HRH1: variants seen among roughly 807,000 people sequenced by gnomAD.
HRH1 encodes the protein histamine receptor H1, also known as histamine H1 receptor.
In HRH1, 6 loss-of-function variants were observed where a neutral mutation model predicts 10.3. The observed-to-expected ratio is 0.58, with a 90% confidence interval of 0.32 to 1.15. HRH1 has a LOEUF of 1.15. HRH1 is among the 50% of genes most tolerant of loss of function. The pLI, the probability that HRH1 is intolerant of heterozygous loss-of-function variation, is 0.05. For missense variants in HRH1, 514 were observed against 615.3 expected, an observed-to-expected ratio of 0.84 and a Z score of 1.74; for synonymous variants, 242 against 236.7, an observed-to-expected ratio of 1.02 and a Z score of -0.21.
At chr3:11,208,193 C>T (rs373199398) in intron 1 of HRH1, among the ~76,000 whole-genome samples, 5 of 150,170 alleles carry the variant, frequency 3.3e-5, no homozygotes, top group African/African-American at 9.8e-5. Context: ...CACTCTGTCA[C>T]CCAGGCTGGA....
At chr3:11,190,707 T>G (rs555599315) in intron 1 of HRH1, among the ~76,000 whole-genome samples, 32 of 152,184 alleles carry the variant, frequency 2.1e-4, no homozygotes, top group African/African-American at 7.2e-4. Flanking sequence ...AAAAAAAATT[T>G]TAATTAGCTG....
rs200252315 is a variant in HRH1 at position 11,259,652 on chromosome 3, C to T, written c.615C>T (p.Leu205=). Residue 205 remains leucine, a synonymous_variant, in exon 2 of 2, where the codon CTC becomes CTT. Coordinates refer to ENST00000431010, the MANE Select transcript of HRH1 (RefSeq NM_001098212.2). The surrounding 1 kb of genome is among the most constrained non-coding windows in gnomAD (Gnocchi z 4.6). The part of the protein sequence containing the change: ...AIINFYLPTL[L]MLWFYAKIYK... ...TCAACTTCTACCTGCCCACCTTGCT[C>T]ATGCTCTGGTTCTATGCCAAGATCT... 1.2e-6 allele frequency: 2 copies of T among 1,613,984 alleles called. No individual in the cohort carries two copies. Among genetic ancestry groups the T allele is most frequent in the Middle Eastern group, 1.6e-4 (1 of 6,062 alleles).
intron 1 of HRH1, among the ~76,000 whole-genome samples, chr3:11,211,095 T>A (rs1353252391): frequency 6.6e-6 from 1 of 152,220 alleles, no homozygotes; most frequent in Non-Finnish European, 1.5e-5. Context: ...AATCAATTTG[T>A]AATTCAAGTA....
chr3:11,173,589 A>G (rs1038989088), intron 1 of HRH1, among the ~76,000 whole-genome samples: 6 of 151,538 alleles, frequency 4.0e-5, no homozygotes, highest in African/African-American at 1.5e-4. Context: ...TTTGATATTT[A>G]TTATTAGATT....
chr3:11,253,608 C>T (rs547411112), intron 1 of HRH1, among the ~76,000 whole-genome samples: 1 of 152,232 alleles, frequency 6.6e-6, no homozygotes, highest in East Asian at 1.9e-4. Flanking sequence ...GGGTGCGGGG[C>T]ACTAATTCTC....
At position 11,183,106 on chromosome 3, in the gene HRH1, C is replaced by A. The variant is rs377749578; in HGVS notation, c.-36+28552C>A. 5.3e-4 allele frequency among the ~76,000 whole-genome samples: 81 copies of A among 152,336 alleles called. 2 individuals carry two copies. In the South Asian group the frequency reaches 0.016, roughly 30 times the overall value. ...TCATCATCTCTTAGACCCACTGGAG[C>A]TGAAACTTTCTAATGCAATCCAGGC... On this transcript the variant is annotated intron_variant, in intron 1 of 1. Transcript: ENST00000431010.
chr3:11,220,049 T>A (rs1350040875), intron 1 of HRH1, among the ~76,000 whole-genome samples: 2 of 151,728 alleles, frequency 1.3e-5, no homozygotes, highest in Non-Finnish European at 2.9e-5. Context: ...AAAATCCAGA[T>A]TCTGCCTTTT....
chr3:11,234,381 A>C, intron 1 of HRH1: 1 of 1,603,406 alleles, frequency 6.2e-7, no homozygotes, highest in Non-Finnish European at 8.5e-7. Flanking sequence ...AGGTCTGGGT[A>C]TTTCTGCAGG....
chr3:11,159,385 T>C (rs1358420941), intron 1 of HRH1, among the ~76,000 whole-genome samples: 1 of 152,214 alleles, frequency 6.6e-6, no homozygotes, highest in Non-Finnish European at 1.5e-5. Flanking sequence ...AGAAGTTCCT[T>C]TCTATTCCCA....
intron 1 of HRH1, among the ~76,000 whole-genome samples, chr3:11,177,141 C>T (rs1440461099): frequency 6.6e-6 from 1 of 151,874 alleles, no homozygotes; most frequent in Non-Finnish European, 1.5e-5. Context: ...TGGCTCACTC[C>T]TATAATCCCA....
At chr3:11,234,487 C>T in intron 1 of HRH1, 1 of 1,510,630 alleles carries the variant, frequency 6.6e-7, no homozygotes, top group Non-Finnish European at 9.2e-7. Flanking sequence ...TGAACTGTTC[C>T]CCACAGGGGC....
chr3:11,187,132 C>G (rs1427456501), intron 1 of HRH1, among the ~76,000 whole-genome samples: 1 of 152,196 alleles, frequency 6.6e-6, no homozygotes, highest in Admixed American at 6.5e-5. Context: ...AGGGGGTCCT[C>G]TGGCCTGGAA....
In HRH1 at chr3:11,217,002, G is replaced by A. The variant is rs1285847856; in HGVS notation, c.-35-42001G>A. Among the ~76,000 whole-genome samples, 7 of 151,568 alleles carry A rather than the reference G, an allele frequency of 4.6e-5. No homozygotes were observed. The South Asian group carries it at 6.3e-4, about 14-fold the overall frequency. On this transcript the variant is annotated intron_variant, in intron 1 of 1. Transcript: ENST00000431010. ...AGTTCAAAAGCAGCCTGGGCAACAC[G>A]GTGAAACTCCATCTCTACTAAAAAT...
chr3:11,187,200 C>T (rs549295568), intron 1 of HRH1, among the ~76,000 whole-genome samples: 1 of 152,056 alleles, frequency 6.6e-6, no homozygotes, highest in Non-Finnish European at 1.5e-5. Flanking sequence ...ACAAAGATAT[C>T]TTTTTCTCTG....
intron 1 of HRH1, among the ~76,000 whole-genome samples, chr3:11,166,923 C>A (rs1464234462): frequency 6.9e-4 from 8 of 11,586 alleles, no homozygotes; most frequent in African/African-American, 3.1e-3. Context: ...TCCAGGCCCG[C>A]AACATCTCCT....
chr3:11,174,023 A>G (rs1310751155), intron 1 of HRH1, among the ~76,000 whole-genome samples: 1 of 152,010 alleles, frequency 6.6e-6, no homozygotes, highest in Non-Finnish European at 1.5e-5. Context: ...CCCTGGGAAA[A>G]CTCCTACTCA....
chr3:11,242,306 C>T (rs1287883130), intron 1 of HRH1, among the ~76,000 whole-genome samples: 2 of 151,844 alleles, frequency 1.3e-5, no homozygotes, highest in African/African-American at 4.8e-5. Context: ...ATGGTGAAAC[C>T]CCGTCTCTAC....
intron 1 of HRH1, among the ~76,000 whole-genome samples, chr3:11,185,910 G>A (rs1937444146): frequency 6.6e-6 from 1 of 152,156 alleles, no homozygotes; most frequent in East Asian, 1.9e-4. Flanking sequence ...TGCTGGGGTA[G>A]ATGGCAGTTC....
rs529093982 is a variant in HRH1, at chr3:11,241,617, A to G, written c.-35-17386A>G. Among the ~76,000 whole-genome samples the G allele has an allele frequency of 3.3e-5, 5 of 152,158 alleles. No homozygotes were observed. The East Asian group carries it at 9.7e-4, about 29-fold the overall frequency. On this transcript the variant is annotated intron_variant, in intron 1 of 1. Coordinates refer to ENST00000431010, the MANE Select transcript of HRH1 (RefSeq NM_001098212.2). The stretch of plus-strand genomic sequence containing the variant: ...GGCAGGCCGAGGCGGGTGGATCACG[A>G]GGTCAGGAGATCGAAACCATCCTGG...
Sources: allele counts gnomAD v4.1 joint callset (sites outside exome capture counted in the v4.1 genomes callset), GRCh38; gene constraint gnomAD v4.1.1; non-coding constraint Gnocchi (gnomAD v3.1); transcripts MANE v1.5; gene names NCBI Gene and HGNC (gene_info 2026-07-23, HGNC 2026-07-21).